GPD2: variants seen among roughly 807,000 people sequenced by gnomAD.
GPD2 encodes glycerol-3-phosphate dehydrogenase, mitochondrial.
Under a neutral mutation model 82.4 loss-of-function variants are expected in GPD2, and 54 were observed. The observed-to-expected ratio is 0.66, with a 90% CI of 0.53 to 0.82. The LOEUF is 0.82. Ranked by LOEUF, GPD2 falls within the 40% of genes least tolerant of loss-of-function variation. The probability of loss-of-function intolerance (pLI) is 0.00; values close to 1 mark genes in which losing one functional copy is unlikely to be tolerated. For missense variants in GPD2, 748 were observed against 896.2 expected, an observed-to-expected ratio of 0.83 and a Z score of 2.11; for synonymous variants, 288 against 306.1, an observed-to-expected ratio of 0.94 and a Z score of 0.62.
chr2:156,445,116 A>C (rs1682324529), intron 1 of GPD2, among the ~76,000 whole-genome samples: 1 of 152,228 alleles, frequency 6.6e-6, no homozygotes, highest in African/African-American at 2.4e-5. Context: ...TTTCTTATTA[A>C]TAATAAACAG....
At chr2:156,422,960 G>A in the GPD2 span, among the ~76,000 whole-genome samples, 1 of 152,158 alleles carries the variant, frequency 6.6e-6, no homozygotes, top group African/African-American at 2.4e-5. Flanking sequence ...TTTGTTAGGT[G>A]AATGAATAAA....
the GPD2 span, among the ~76,000 whole-genome samples, chr2:156,408,572 T>C: frequency 6.6e-6 from 1 of 151,502 alleles, no homozygotes; most frequent in East Asian, 1.9e-4. Flanking sequence ...CCATGATCTC[T>C]ACAAAAAGTA....
At chr2:156,513,914 T>A (rs1224180496) in intron 6 of GPD2, among the ~76,000 whole-genome samples, 1 of 152,196 alleles carries the variant, frequency 6.6e-6, no homozygotes, top group Non-Finnish European at 1.5e-5. Flanking sequence ...CAAGGGGTTA[T>A]AAACCTAGGG....
chr2:156,460,863 A>C (rs1383292672), intron 1 of GPD2, among the ~76,000 whole-genome samples: 2 of 152,186 alleles, frequency 1.3e-5, no homozygotes, highest in African/African-American at 2.4e-5. Context: ...TTTCCCTATT[A>C]TAGAATCTTG....
At chr2:156,544,520 A>G (rs974651498) in intron 6 of GPD2, among the ~76,000 whole-genome samples, 1 of 152,176 alleles carries the variant, frequency 6.6e-6, no homozygotes, top group Admixed American at 6.5e-5. Flanking sequence ...TGCTAATCAA[A>G]TCAAAGTTTA....
At chr2:156,437,965 T>G (rs116810955) in intron 1 of GPD2, among the ~76,000 whole-genome samples, 2,386 of 152,280 alleles carry the variant, frequency 0.016, 23 homozygotes, top group Middle Eastern at 0.037. Flanking sequence ...CTTATCCTGT[T>G]TGGTTGTTTT....
In GPD2 at chr2:156,512,251, G is replaced by C. The variant is rs201559833; in HGVS notation, c.431G>C (p.Arg144Pro). Reference protein sequence around the residue: ...YRMVKEALHERANLLEIAPHL... With the variant: ...YRMVKEALHEPANLLEIAPHL... Reference sequence around the variant, plus strand: ...ATGGTAAAAGAAGCCCTTCATGAGCGTGCCAACCTGCTAGAAATTGCTCCC... The same window carrying C: ...ATGGTAAAAGAAGCCCTTCATGAGCCTGCCAACCTGCTAGAAATTGCTCCC... Residue 144 changes from arginine to proline, a missense_variant, in exon 5 of 17, where the codon CGT becomes CCT. By Grantham distance (103) the Arg-to-Pro change is moderately radical. Around this residue, in one of 3 missense-constraint regions of GPD2, gnomAD observed 692 missense variants for 809.7 expected, o/e 0.85. Coordinates refer to ENST00000438166, the MANE Select transcript of GPD2 (RefSeq NM_000408.5). 1.2e-6 allele frequency: 2 copies of C among 1,600,138 alleles called. No individual in the cohort carries two copies. Among genetic ancestry groups the C allele is most frequent in the African/African-American group, 1.3e-5 (1 of 74,574 alleles).
intron 6 of GPD2, among the ~76,000 whole-genome samples, chr2:156,513,872 A>G (rs924194347): frequency 3.9e-5 from 6 of 152,198 alleles, no homozygotes; most frequent in African/African-American, 1.2e-4. Flanking sequence ...AGCTGAGGAT[A>G]TGTTAGGTTT....
chr2:156,403,820 C>T, the GPD2 span, among the ~76,000 whole-genome samples: 2 of 152,154 alleles, frequency 1.3e-5, no homozygotes, highest in African/African-American at 2.4e-5. Context: ...CTTGGCACTG[C>T]ACTTTCTTAG....
At position 156,531,888 on chromosome 2, in the gene GPD2, G is replaced by A. The variant is rs146388553; in HGVS notation, c.662-17720G>A. ...ACTTGGTCCTTTAATATCCCATCTT[G>A]TCACTTCTCAGGCCCCTGCCTACTC... On this transcript the variant is annotated intron_variant, in intron 6 of 16. Transcript: ENST00000438166. Among the ~76,000 whole-genome samples the A allele has an allele frequency of 1.5e-4, 23 of 152,328 alleles. No individual in the cohort carries two copies. The East Asian group carries it at 4.2e-3, about 28-fold the overall frequency.
intron 6 of GPD2, among the ~76,000 whole-genome samples, chr2:156,525,676 C>T (rs955632176): frequency 2.2e-4 from 33 of 152,118 alleles, no homozygotes; most frequent in African/African-American, 5.8e-4. Flanking sequence ...TGGGGACATA[C>T]GGACAAATTA....
At chr2:156,541,824 G>GTGTTTT (rs1553475231) in intron 6 of GPD2, among the ~76,000 whole-genome samples, 1 of 81,468 alleles carries the variant, frequency 1.2e-5, no homozygotes, top group South Asian at 4.7e-4. Flanking sequence ...AATGCTGTTT[G>GTGTTTT]TTTTTTTTTT....
intron 6 of GPD2, among the ~76,000 whole-genome samples, chr2:156,514,313 A>G (rs546558767): frequency 1.3e-5 from 2 of 152,256 alleles, no homozygotes; most frequent in Admixed American, 1.3e-4. Context: ...GTGTCCATTT[A>G]TAAGGAAATA....
intron 1 of GPD2, among the ~76,000 whole-genome samples, chr2:156,437,775 T>C (rs1682003935): frequency 6.6e-6 from 1 of 152,192 alleles, no homozygotes; most frequent in African/African-American, 2.4e-5. Context: ...TTGTGATTCA[T>C]TCAAAGATGC....
chr2:156,458,164 C>G (rs1012861074), intron 1 of GPD2, among the ~76,000 whole-genome samples: 1 of 152,126 alleles, frequency 6.6e-6, no homozygotes, highest in Non-Finnish European at 1.5e-5. Context: ...TAAATTATCA[C>G]AGGGTGGGGA....
At chr2:156,554,436 G>C (rs970512360) in intron 8 of GPD2, among the ~76,000 whole-genome samples, 1 of 152,186 alleles carries the variant, frequency 6.6e-6, no homozygotes, top group East Asian at 1.9e-4. Flanking sequence ...GAAGAGTAAG[G>C]AACCATATGT....
chr2:156,405,116 G>A, the GPD2 span, among the ~76,000 whole-genome samples: 1 of 152,168 alleles, frequency 6.6e-6, no homozygotes, highest in African/African-American at 2.4e-5. Context: ...AGGTGACGAG[G>A]TCCTGAACCA....
At chr2:156,554,486 C>T (rs3769368) in intron 8 of GPD2, among the ~76,000 whole-genome samples, 108,918 of 152,142 alleles carry the variant, frequency 0.72, 39,075 homozygotes, top group Middle Eastern at 0.82. Flanking sequence ...AGTATCTTTA[C>T]AGCATTTGTT....
intron 1 of GPD2, among the ~76,000 whole-genome samples, chr2:156,451,955 G>C (rs533813798): frequency 1.3e-5 from 2 of 151,308 alleles, no homozygotes; most frequent in Non-Finnish European, 3.0e-5. Flanking sequence ...CATCCCAGAC[G>C]GGGCGGCGGG....
Sources: gnomAD v4.1 joint callset for allele counts (sites outside exome capture counted in the v4.1 genomes callset) on GRCh38, gnomAD v4.1.1 for gene constraint, gnomAD v4.1.1 regional missense constraint, MANE v1.5 for transcripts, NCBI Gene and HGNC (gene_info 2026-07-23, HGNC 2026-07-21) for gene names.